KCNIP1: variants seen among roughly 807,000 people sequenced by gnomAD.
KCNIP1 encodes A-type potassium channel modulatory protein KCNIP1.
KCNIP1 carries 18 observed loss-of-function variants against 33.0 expected under a neutral mutation model. The observed-to-expected ratio is 0.55, with a 90% CI of 0.38 to 0.81. The LOEUF is 0.81. KCNIP1 is among the 30% of genes least tolerant of loss of function. The probability of loss-of-function intolerance (pLI) is 0.00; values close to 1 mark genes in which losing one functional copy is unlikely to be tolerated. For missense variants in KCNIP1, 238 were observed against 271.6 expected, an observed-to-expected ratio of 0.88 and a Z score of 0.87; for synonymous variants, 93 against 98.3, an observed-to-expected ratio of 0.95 and a Z score of 0.32.
chr5:170,529,894 C>T (rs551817678), intron 1 of KCNIP1, among the ~76,000 whole-genome samples: 1 of 152,146 alleles, frequency 6.6e-6, no homozygotes, highest in Non-Finnish European at 1.5e-5. Context: ...CCCCACTTCA[C>T]CCTTCCAGGC....
At chr5:170,687,268 G>A (rs1199573269) in intron 1 of KCNIP1, among the ~76,000 whole-genome samples, 5 of 151,022 alleles carry the variant, frequency 3.3e-5, no homozygotes, top group African/African-American at 7.3e-5. Flanking sequence ...TGCAACCTCC[G>A]CCTCCCGGGT....
rs367687957 is a variant in KCNIP1, at chr5:170,450,540, C to T, written c.88+96576C>T. Among the ~76,000 whole-genome samples, 17 of 152,246 alleles carry T rather than the reference C, an allele frequency of 1.1e-4. No individual in the cohort carries two copies. In the East Asian group the frequency reaches 1.4e-3, roughly 12 times the overall value. On this transcript the variant is annotated intron_variant, in intron 1 of 7. Coordinates refer to the KCNIP1 transcript ENST00000377360. ...CTATTACTCACCATAGGCTAAATTC[C>T]GCCCAGACTCCTCTGAAGGGCTTGC...
At chr5:170,695,868 A>T (rs1762872692) in intron 1 of KCNIP1, among the ~76,000 whole-genome samples, 1 of 151,986 alleles carries the variant, frequency 6.6e-6, no homozygotes, top group Non-Finnish European at 1.5e-5. Context: ...AAAATACAAA[A>T]ATTAGCCAGG....
Position 170,652,523 on chromosome 5 carries a change from A to G in KCNIP1, c.62-66235A>G, listed in dbSNP as rs56038548. ...AAAGGAAGGAAGGAAGGAAGGAGAAAAGAAAAAAGAAAAGAAAAGAAAAGA... is the reference window on the plus strand; with the variant it reads ...AAAGGAAGGAAGGAAGGAAGGAGAAGAGAAAAAAGAAAAGAAAAGAAAAGA... On this transcript the variant is annotated intron_variant, in intron 1 of 7. Coordinates refer to ENST00000328939, the MANE Select transcript of KCNIP1 (RefSeq NM_014592.4). 3.9e-3 allele frequency among the ~76,000 whole-genome samples: 518 copies of G among 133,348 alleles called. 8 individuals carry two copies. Among genetic ancestry groups the G allele is most frequent in the South Asian group, 7.1e-3 (27 of 3,796 alleles). 87.5% of individuals were successfully genotyped at this position (133,348 alleles called of 152,430 possible). A position where few individuals can be genotyped will look rare whatever the true frequency, so the allele number is the denominator to read the frequency against.
At chr5:170,561,570 T>C (rs896216327) in intron 1 of KCNIP1, among the ~76,000 whole-genome samples, 8 of 152,230 alleles carry the variant, frequency 5.3e-5, no homozygotes, top group Admixed American at 4.6e-4. Context: ...TAGAGCTTGT[T>C]TGTGCCTTGG....
chr5:170,451,767 G>GTGTGTGTA (rs1388184279), intron 1 of KCNIP1, among the ~76,000 whole-genome samples: 1 of 150,560 alleles, frequency 6.6e-6, no homozygotes, highest in African/African-American at 2.5e-5. Context: ...GTGTGTGTGT[G>GTGTGTGTA]TGTTTGCAGG....
intron 1 of KCNIP1, among the ~76,000 whole-genome samples, chr5:170,450,647 CA>C (rs1368743478): frequency 1.3e-5 from 2 of 152,152 alleles, no homozygotes; most frequent in Non-Finnish European, 2.9e-5. Flanking sequence ...GTAGCTCTCA[CA>C]TCTCAAGAAT....
chr5:170,620,144 G>A (rs1392495528), intron 1 of KCNIP1, among the ~76,000 whole-genome samples: 1 of 152,180 alleles, frequency 6.6e-6, no homozygotes, highest in Non-Finnish European at 1.5e-5. Context: ...CATAGCAGGT[G>A]CTCAAAGAAT....
chr5:170,668,581 A>G (rs1317382928), intron 1 of KCNIP1, among the ~76,000 whole-genome samples: 4 of 152,356 alleles, frequency 2.6e-5, no homozygotes, highest in Non-Finnish European at 5.9e-5. Flanking sequence ...ATTGGCATAC[A>G]GGGGAGGAGC....
chr5:170,487,450 C>T (rs1757121255), intron 1 of KCNIP1, among the ~76,000 whole-genome samples: 1 of 152,054 alleles, frequency 6.6e-6, no homozygotes, highest in Non-Finnish European at 1.5e-5. Context: ...AAAATGAACC[C>T]TTCTAAAGTG....
At chr5:170,512,178 G>C (rs1374276060) in intron 1 of KCNIP1, among the ~76,000 whole-genome samples, 1 of 152,124 alleles carries the variant, frequency 6.6e-6, no homozygotes, top group Non-Finnish European at 1.5e-5. Context: ...TTCTCTCTTT[G>C]TTATAGCCAT....
chr5:170,408,090 A>C (rs1171397696), intron 1 of KCNIP1, among the ~76,000 whole-genome samples: 1 of 152,234 alleles, frequency 6.6e-6, no homozygotes, highest in African/African-American at 2.4e-5. Flanking sequence ...GACCATTTAG[A>C]GTAGCTCATG....
chr5:170,568,648 T>TAA (rs33992187), intron 1 of KCNIP1, among the ~76,000 whole-genome samples: 760 of 43,702 alleles, frequency 0.017, 43 homozygotes, highest in African/African-American at 0.046. Context: ...CCGTTTCTAC[T>TAA]AAAAAAAAAA....
chr5:170,709,450 A>T (rs1763371336), intron 1 of KCNIP1, among the ~76,000 whole-genome samples: 1 of 152,216 alleles, frequency 6.6e-6, no homozygotes, highest in Non-Finnish European at 1.5e-5. Context: ...TGATGTAAAC[A>T]TAGCTGTGCC....
intron 1 of KCNIP1, among the ~76,000 whole-genome samples, chr5:170,683,636 CA>C (rs1360293452): frequency 6.6e-6 from 1 of 152,164 alleles, no homozygotes; most frequent in Non-Finnish European, 1.5e-5. Flanking sequence ...GTAATGCTGT[CA>C]TTCTAAGGAG....
At chr5:170,358,065 C>T (rs910627600) in intron 1 of KCNIP1, among the ~76,000 whole-genome samples, 43 of 152,322 alleles carry the variant, frequency 2.8e-4, no homozygotes, top group African/African-American at 9.9e-4. Context: ...CCCCTCCACC[C>T]GCCTCACAGA....
intron 1 of KCNIP1, among the ~76,000 whole-genome samples, chr5:170,404,313 T>C (rs1487791983): frequency 6.8e-6 from 1 of 146,222 alleles, no homozygotes. Flanking sequence ...TTTTCCAAGA[T>C]TTTTTTTTCC....
intron 1 of KCNIP1, among the ~76,000 whole-genome samples, chr5:170,648,995 A>C (rs1449086212): frequency 6.6e-6 from 1 of 152,256 alleles, no homozygotes; most frequent in African/African-American, 2.4e-5. Flanking sequence ...ACAAGAATTA[A>C]GAAATTTAAT....
At chr5:170,726,850 G>T (rs1019939800) in intron 5 of KCNIP1, among the ~76,000 whole-genome samples, 1 of 151,822 alleles carries the variant, frequency 6.6e-6, no homozygotes, top group Non-Finnish European at 1.5e-5. Context: ...AGTGGAGGTT[G>T]CAGTGAGCTG....
Sources: gnomAD v4.1 joint callset for allele counts (sites outside exome capture counted in the v4.1 genomes callset) on GRCh38, gnomAD v4.1.1 for gene constraint, MANE v1.5 for transcripts, NCBI Gene and HGNC (gene_info 2026-07-23, HGNC 2026-07-21) for gene names.